The following ARB2A variants were observed in gnomAD, a reference collection of about 807,000 sequenced individuals.
ARB2A encodes the protein ARB2 cotranscriptional regulator A.
At chr5:93,862,657 C>T in the ARB2A span, 4 of 151,950 alleles carry the variant, frequency 2.6e-5, no homozygotes, top group African/African-American at 9.7e-5. Flanking sequence ...TGTTCCCATG[C>T]ACATGCATGT....
At chr5:93,754,127 C>T in the ARB2A span, among the ~76,000 whole-genome samples, 1 of 152,168 alleles carries the variant, frequency 6.6e-6, no homozygotes, top group Non-Finnish European at 1.5e-5. Context: ...AGTAACTCTG[C>T]TTTATGGTTA....
the ARB2A span, among the ~76,000 whole-genome samples, chr5:94,062,167 A>ATTTT: frequency 1.3e-5 from 2 of 152,186 alleles, no homozygotes; most frequent in African/African-American, 4.8e-5. Flanking sequence ...CAAAGATGAA[A>ATTTT]AGACAGTCTT....
At chr5:94,072,122 T>A in the ARB2A span, among the ~76,000 whole-genome samples, 2 of 152,164 alleles carry the variant, frequency 1.3e-5, no homozygotes, top group East Asian at 3.9e-4. Flanking sequence ...TCTCAAAAAA[T>A]TACATACCTT....
chr5:93,703,136 C>G, the ARB2A span, among the ~76,000 whole-genome samples: 1 of 152,114 alleles, frequency 6.6e-6, no homozygotes, highest in Non-Finnish European at 1.5e-5. Context: ...TTAGTTTTCC[C>G]CAAATTACCC....
chr5:93,749,754 GT>G, the ARB2A span, among the ~76,000 whole-genome samples: 4 of 152,056 alleles, frequency 2.6e-5, no homozygotes, highest in African/African-American at 9.7e-5. Flanking sequence ...ACATATACTT[GT>G]TTGTAATATC....
the ARB2A span, among the ~76,000 whole-genome samples, chr5:93,981,730 A>G: frequency 3.3e-5 from 5 of 152,168 alleles, no homozygotes; most frequent in Non-Finnish European, 7.4e-5. Flanking sequence ...AACAGGCCCG[A>G]GGTTAATTTT....
the ARB2A span, among the ~76,000 whole-genome samples, chr5:93,766,981 T>C: frequency 4.9e-5 from 7 of 143,586 alleles, no homozygotes; most frequent in East Asian, 4.1e-4. Flanking sequence ...TAGGTGGGCA[T>C]TGAACAATGA....
the ARB2A span, among the ~76,000 whole-genome samples, chr5:94,059,480 G>A: frequency 3.3e-5 from 5 of 151,810 alleles, no homozygotes; most frequent in Non-Finnish European, 7.4e-5. Context: ...AATTAGCTGG[G>A]TGTGGTGGCA....
chr5:93,717,534 C>CACA, the ARB2A span, among the ~76,000 whole-genome samples: 1 of 144,386 alleles, frequency 6.9e-6, no homozygotes, highest in African/African-American at 2.5e-5. Flanking sequence ...TGCAACAATA[C>CACA]ACATACGCAG....
the ARB2A span, chr5:93,741,551 T>G: frequency 6.4e-7 from 1 of 1,569,748 alleles, no homozygotes; most frequent in Non-Finnish European, 8.6e-7. Flanking sequence ...TTTGAGGGCC[T>G]GTGTCCGGCC....
At chr5:93,863,775 T>C in the ARB2A span, 1 of 152,148 alleles carries the variant, frequency 6.6e-6, no homozygotes, top group Non-Finnish European at 1.5e-5. Context: ...ATTGACATAA[T>C]TTAATATCAC....
chr5:93,987,241 G>A, the ARB2A span, among the ~76,000 whole-genome samples: 1 of 152,000 alleles, frequency 6.6e-6, no homozygotes, highest in Non-Finnish European at 1.5e-5. Context: ...GAAGGAGTAG[G>A]GTGGGAGAGG....
the ARB2A span, among the ~76,000 whole-genome samples, chr5:93,764,528 A>T: frequency 6.6e-6 from 1 of 152,206 alleles, no homozygotes; most frequent in African/African-American, 2.4e-5. Context: ...ATAGACCAAT[A>T]ATAGGTCCTG....
chr5:93,680,203 A>C, the ARB2A span, among the ~76,000 whole-genome samples: 1 of 152,156 alleles, frequency 6.6e-6, no homozygotes, highest in Non-Finnish European at 1.5e-5. Flanking sequence ...GAGGTTCAGG[A>C]ATACTGTTTA....
chr5:93,849,117 ATATCT>A, the ARB2A span, among the ~76,000 whole-genome samples: 2 of 152,172 alleles, frequency 1.3e-5, no homozygotes, highest in South Asian at 4.1e-4. Flanking sequence ...ACCTTCTATC[ATATCT>A]TAATTTTTGT....
chr5:94,063,003 C>A, the ARB2A span, among the ~76,000 whole-genome samples: 44 of 152,346 alleles, frequency 2.9e-4, no homozygotes, highest in African/African-American at 1.1e-3. Context: ...CAATCCCAAC[C>A]ATTTATCTAT....
At chr5:93,719,149 C>T in the ARB2A span, among the ~76,000 whole-genome samples, 1 of 152,174 alleles carries the variant, frequency 6.6e-6, no homozygotes, top group African/African-American at 2.4e-5. Flanking sequence ...TTCTCCATAA[C>T]TTTTATATTC....
chr5:93,800,601 T>TA, the ARB2A span, among the ~76,000 whole-genome samples: 1 of 152,048 alleles, frequency 6.6e-6, no homozygotes, highest in African/African-American at 2.4e-5. Context: ...AGTTTTATTT[T>TA]AAAAGTGCGT....
the ARB2A span, among the ~76,000 whole-genome samples, chr5:93,886,598 ACATCCTAGGTGCAAC>A: frequency 6.6e-6 from 1 of 151,618 alleles, no homozygotes; most frequent in African/African-American, 2.4e-5. Context: ...CACTGTTGCA[ACATCCTAGGTGCAAC>A]AGTGAGATGA....
Sources: gnomAD v4.1 joint callset for allele counts (sites outside exome capture counted in the v4.1 genomes callset) on GRCh38, gnomAD v4.1.1 for gene constraint, MANE v1.5 for transcripts, NCBI Gene and HGNC (gene_info 2026-07-23, HGNC 2026-07-21) for gene names.